TNIK: variants seen among roughly 807,000 people sequenced by gnomAD.
TNIK encodes TRAF2 and NCK interacting kinase, also known as TRAF2 and NCK-interacting protein kinase.
In TNIK, 49 loss-of-function variants were observed where a neutral mutation model predicts 191.3. That is an observed-to-expected ratio of 0.26 (90% CI 0.20 to 0.32). The LOEUF (loss-of-function observed/expected upper bound fraction) is 0.32. Among genes scored for constraint, TNIK ranks in the 10% least tolerant of loss-of-function variants. The pLI is 1.00. For synonymous variants in TNIK, 594 were observed against 600.9 expected, an observed-to-expected ratio of 0.99 and a Z score of 0.17; for missense variants, 1,155 against 1,702.3, an observed-to-expected ratio of 0.68 and a Z score of 5.66.
chr3:171,084,401 G>A, intron 25 of TNIK, 76 bp from the exon 26 acceptor site: 3 of 1,480,698 alleles, frequency 2.0e-6, no homozygotes, highest in Non-Finnish European at 2.8e-6. Flanking sequence ...AAAACACTAT[G>A]ATTTCTCCTT....
chr3:171,244,790 G>A (rs1449242436), intron 2 of TNIK, among the ~76,000 whole-genome samples: 3 of 150,948 alleles, frequency 2.0e-5, no homozygotes, highest in Non-Finnish European at 4.4e-5. Context: ...ATAGTGATAG[G>A]ATGACAACTT....
chr3:171,260,122 T>C (rs1233765023), intron 2 of TNIK, among the ~76,000 whole-genome samples: 1 of 152,128 alleles, frequency 6.6e-6, no homozygotes, highest in East Asian at 1.9e-4. Flanking sequence ...CCCCAGGTGA[T>C]GTCTGATCAC....
rs904733843 is a variant in TNIK at position 171,256,620 on chromosome 3, G to T, written c.124-28399C>A. On this transcript the variant is annotated intron_variant, in intron 2 of 32. Transcript: ENST00000436636. ...CAGCCAATTTCCTCTAAGCTTCAAG[G>T]TCAGAAAGAACTTTACAAAGGGTGA... Among the ~76,000 whole-genome samples, 11 of 152,274 alleles carry T rather than the reference G, an allele frequency of 7.2e-5. No individual in the cohort carries two copies. In the East Asian group the frequency reaches 1.5e-3, roughly 21 times the overall value.
intron 16 of TNIK, among the ~76,000 whole-genome samples, chr3:171,127,059 A>AT (rs1728576680): frequency 6.6e-6 from 1 of 152,258 alleles, no homozygotes; most frequent in African/African-American, 2.4e-5. Flanking sequence ...TGTCATGCTC[A>AT]TCGTCATATC....
intron 2 of TNIK, among the ~76,000 whole-genome samples, chr3:171,359,038 T>C (rs78003051): frequency 0.16 from 24,080 of 152,140 alleles, 2,373 homozygotes; most frequent in South Asian, 0.29. Flanking sequence ...AGATGGGTAG[T>C]GGTGAAGGTT....
rs1283350949 is a variant in TNIK, at chr3:171,061,877, A to T, written c.*2004T>A. The T allele has an allele frequency of 6.6e-6, 1 of 152,204 alleles. No homozygotes were observed. The highest frequency in any genetic ancestry group is 2.4e-5 in the African/African-American group (1 of 41,458). The allele number at this position is 152,204 out of a possible 1,614,324, so 9.4% of individuals were successfully genotyped here. On this transcript the variant is annotated 3_prime_UTR_variant, in exon 33 of 33. Coordinates refer to ENST00000436636, the MANE Select transcript of TNIK (RefSeq NM_015028.4). Reference sequence around the variant, plus strand: ...GTAAAAATGAGAACAGGAGGATTTCATTGCTTTTGAGAGCTAAAGGGACCA... The same window carrying T: ...GTAAAAATGAGAACAGGAGGATTTCTTTGCTTTTGAGAGCTAAAGGGACCA...
chr3:171,292,827 C>T (rs1029064810), intron 2 of TNIK, among the ~76,000 whole-genome samples: 15 of 147,274 alleles, frequency 1.0e-4, no homozygotes, highest in African/African-American at 2.7e-4. Flanking sequence ...AGAGTTTATA[C>T]TCACAATCTT....
chr3:171,312,070 T>C (rs547016094), intron 2 of TNIK, among the ~76,000 whole-genome samples: 1 of 144,906 alleles, frequency 6.9e-6, no homozygotes, highest in African/African-American at 2.6e-5. Context: ...TTTTGTGGCA[T>C]TGCTCTGCAC....
chr3:171,396,395 C>G (rs1349128986), intron 1 of TNIK, among the ~76,000 whole-genome samples: 1 of 152,162 alleles, frequency 6.6e-6, no homozygotes, highest in Non-Finnish European at 1.5e-5. Context: ...TAGGCTATTA[C>G]AAATAACGCT....
intron 2 of TNIK, among the ~76,000 whole-genome samples, chr3:171,285,464 G>T (rs1174353402): frequency 6.6e-6 from 1 of 152,188 alleles, no homozygotes; most frequent in Non-Finnish European, 1.5e-5. Flanking sequence ...CTTTTCCGAA[G>T]TAGAGCTGGA....
intron 3 of TNIK, 136 bp from the exon 4 acceptor site, chr3:171,211,377 G>T: frequency 9.8e-7 from 1 of 1,021,598 alleles, no homozygotes. Context: ...ACATATGAGG[G>T]CAAAGAACAA....
intron 10 of TNIK, among the ~76,000 whole-genome samples, chr3:171,165,415 CAAAA>C (rs35708323): frequency 2.7e-5 from 2 of 72,794 alleles, no homozygotes; most frequent in Admixed American, 1.5e-4. Context: ...GAACTCATCT[CAAAA>C]AAAAAAAAAA....
chr3:171,225,498 T>C (rs560638655), intron 3 of TNIK: 1 of 454,146 alleles, frequency 2.2e-6, no homozygotes, highest in Admixed American at 2.4e-5. Context: ...CTCTATGTAA[T>C]GGATTGACAC....
intron 12 of TNIK, among the ~76,000 whole-genome samples, chr3:171,155,489 A>G (rs1016828288): frequency 6.6e-6 from 1 of 152,254 alleles, no homozygotes; most frequent in Non-Finnish European, 1.5e-5. Flanking sequence ...GCTCATGCCC[A>G]TTGGTACATA....
intron 23 of TNIK, 106 bp downstream of exon 23, chr3:171,093,733 T>G: frequency 2.1e-6 from 3 of 1,431,652 alleles, no homozygotes; most frequent in Non-Finnish European, 2.8e-6. Context: ...CCCCCAAGAA[T>G]TCCCCATACT....
chr3:171,143,880 C>T (rs957064541), intron 12 of TNIK, among the ~76,000 whole-genome samples: 1 of 151,962 alleles, frequency 6.6e-6, no homozygotes, highest in African/African-American at 2.4e-5. Flanking sequence ...ATATTGAACA[C>T]AGACAGAACT....
At chr3:171,122,208 T>G (rs902070682) in intron 18 of TNIK, among the ~76,000 whole-genome samples, 2 of 152,232 alleles carry the variant, frequency 1.3e-5, no homozygotes, top group Non-Finnish European at 2.9e-5. Context: ...AAATAATACT[T>G]GATCTAAAGA....
intron 1 of TNIK, among the ~76,000 whole-genome samples, chr3:171,394,885 T>C (rs546576773): frequency 6.6e-5 from 10 of 152,214 alleles, no homozygotes; most frequent in African/African-American, 2.4e-4. Flanking sequence ...CAAAACAGTC[T>C]CGCACCTAAG....
intron 2 of TNIK, among the ~76,000 whole-genome samples, chr3:171,340,346 C>T (rs1252152339): frequency 1.3e-5 from 2 of 152,282 alleles, no homozygotes; most frequent in East Asian, 3.9e-4. Context: ...TAAACCAGTT[C>T]TAAAGCAGAT....
Sources: allele counts gnomAD v4.1 joint callset (sites outside exome capture counted in the v4.1 genomes callset), GRCh38; gene constraint gnomAD v4.1.1; transcripts MANE v1.5; gene names NCBI Gene and HGNC (gene_info 2026-07-23, HGNC 2026-07-21).